GPC5: variants seen among roughly 807,000 people sequenced by gnomAD.
The protein encoded by GPC5 is glypican-5.
In GPC5, 47 loss-of-function variants were observed where a neutral mutation model predicts 53.9. The observed-to-expected ratio is 0.87, with a 90% CI of 0.69 to 1.11. The LOEUF is 1.11. Ranked by LOEUF, GPC5 falls within the 50% of genes most tolerant of loss-of-function variation. The pLI, the probability that GPC5 is intolerant of heterozygous loss-of-function variation, is 0.00. For missense variants in GPC5, 748 were observed against 713.1 expected (o/e 1.05, Z -0.56); for synonymous variants, 286 against 263.3 (o/e 1.09, Z -0.84).
chr13:91,600,338 AGAGAGAGAGAGT>A (rs1241401750), intron 2 of GPC5, among the ~76,000 whole-genome samples: 2,270 of 42,472 alleles, frequency 0.053, 10 homozygotes, highest in Non-Finnish European at 0.081. Flanking sequence ...AGAGAGAGAG[AGAGAGAGAGAGT>A]GTGTGTGTGT....
intron 5 of GPC5, among the ~76,000 whole-genome samples, chr13:91,899,839 A>G (rs2039479824): frequency 6.6e-6 from 1 of 152,152 alleles, no homozygotes; most frequent in Admixed American, 6.6e-5. Context: ...CAGAGGGAGT[A>G]TGGCCCTGCC....
chr13:92,263,220 CAA>C (rs1373252266), intron 7 of GPC5, among the ~76,000 whole-genome samples: 2 of 151,944 alleles, frequency 1.3e-5, no homozygotes, highest in Admixed American at 6.6e-5. Context: ...GAAAAGGAAA[CAA>C]ATTTATCATG....
At chr13:92,104,076 A>G (rs992622047) in intron 6 of GPC5, among the ~76,000 whole-genome samples, 3 of 152,192 alleles carry the variant, frequency 2.0e-5, no homozygotes, top group African/African-American at 7.2e-5. Flanking sequence ...TGAGAGAGCT[A>G]TAAATCAGGT....
At chr13:92,845,458 T>C (rs1878582142) in intron 7 of GPC5, among the ~76,000 whole-genome samples, 1 of 152,146 alleles carries the variant, frequency 6.6e-6, no homozygotes, top group Non-Finnish European at 1.5e-5. Flanking sequence ...AAAAAAGTGA[T>C]GTCTCAGTTT....
At chr13:91,784,657 G>A (rs2037849918) in intron 5 of GPC5, among the ~76,000 whole-genome samples, 1 of 151,208 alleles carries the variant, frequency 6.6e-6, no homozygotes, top group South Asian at 2.1e-4. Context: ...CTGGGAAGTG[G>A]AGGTTGCCGT....
At chr13:92,589,871 C>G (rs1883661179) in intron 7 of GPC5, among the ~76,000 whole-genome samples, 1 of 152,172 alleles carries the variant, frequency 6.6e-6, no homozygotes, top group African/African-American at 2.4e-5. Context: ...ATGATAATCA[C>G]TGGTATTACA....
At chr13:91,667,546 G>A (rs2035145599) in intron 2 of GPC5, among the ~76,000 whole-genome samples, 1 of 152,188 alleles carries the variant, frequency 6.6e-6, no homozygotes, top group South Asian at 2.1e-4. Flanking sequence ...AAACTCCAGA[G>A]GGGTGGGAAG....
chr13:92,286,169 A>T (rs1291740008), intron 7 of GPC5, among the ~76,000 whole-genome samples: 1 of 152,334 alleles, frequency 6.6e-6, no homozygotes, highest in East Asian at 1.9e-4. Context: ...AGAAATGCAA[A>T]TCAAAACCAC....
intron 6 of GPC5, among the ~76,000 whole-genome samples, chr13:92,143,451 G>A (rs1257070058): frequency 1.3e-5 from 2 of 151,912 alleles, no homozygotes; most frequent in East Asian, 1.9e-4. Context: ...CCTTTACAGG[G>A]AGTAGTATAC....
intron 7 of GPC5, among the ~76,000 whole-genome samples, chr13:92,372,983 T>C (rs1408033930): frequency 6.6e-6 from 1 of 152,220 alleles, no homozygotes; most frequent in Admixed American, 6.5e-5. Context: ...TTATATCACT[T>C]TGGGATTATT....
At chr13:92,296,497 A>G (rs943575730) in intron 7 of GPC5, among the ~76,000 whole-genome samples, 8 of 152,162 alleles carry the variant, frequency 5.3e-5, no homozygotes, top group Non-Finnish European at 1.2e-4. Flanking sequence ...AGGTAACAGC[A>G]TGCTGGCAGC....
chr13:91,575,838 CT>C (rs2032112168), intron 2 of GPC5, among the ~76,000 whole-genome samples: 1 of 152,056 alleles, frequency 6.6e-6, no homozygotes. Flanking sequence ...ATTTAAAAAA[CT>C]TTTTATACTA....
chr13:92,628,034 A>T (rs1333318533), intron 7 of GPC5, among the ~76,000 whole-genome samples: 1 of 152,030 alleles, frequency 6.6e-6, no homozygotes, highest in East Asian at 1.9e-4. Flanking sequence ...TGTATTTTAA[A>T]CCATAAGCAG....
chr13:92,795,242 C>T (rs530889322), intron 7 of GPC5, among the ~76,000 whole-genome samples: 7 of 152,244 alleles, frequency 4.6e-5, no homozygotes, highest in Admixed American at 6.5e-5. Context: ...ACATCTACAA[C>T]CATCTGGTCT....
At chr13:91,485,550 C>T (rs545831040) in intron 2 of GPC5, among the ~76,000 whole-genome samples, 20 of 152,234 alleles carry the variant, frequency 1.3e-4, no homozygotes, top group Non-Finnish European at 2.6e-4. Flanking sequence ...TCTTTTTAAA[C>T]ACTTTGTTTT....
At chr13:92,070,155 T>A (rs1387833560) in intron 6 of GPC5, among the ~76,000 whole-genome samples, 6 of 151,982 alleles carry the variant, frequency 3.9e-5, no homozygotes, top group African/African-American at 1.2e-4. Flanking sequence ...ACAGAGACAG[T>A]CTCTAGGAGC....
At chr13:92,770,090 CCTTTT>C (rs140169064) in intron 7 of GPC5, among the ~76,000 whole-genome samples, 7,962 of 152,198 alleles carry the variant, frequency 0.052, 247 homozygotes, top group Non-Finnish European at 0.071. Flanking sequence ...TTATTCCTTT[CCTTTT>C]CCTTACCCCA....
chr13:92,128,051 T>C (rs2041713792), intron 6 of GPC5, among the ~76,000 whole-genome samples: 1 of 152,184 alleles, frequency 6.6e-6, no homozygotes. Context: ...GTTTCTGAGA[T>C]CAATCTTCCT....
chr13:91,551,658 T>C (rs1005265365), intron 2 of GPC5, among the ~76,000 whole-genome samples: 6 of 152,252 alleles, frequency 3.9e-5, no homozygotes, highest in Admixed American at 3.9e-4. Flanking sequence ...ATTCTAGATT[T>C]ATATACTGCG....
Sources: gnomAD v4.1 joint callset for allele counts (sites outside exome capture counted in the v4.1 genomes callset) on GRCh38, gnomAD v4.1.1 for gene constraint, MANE v1.5 for transcripts, NCBI Gene and HGNC (gene_info 2026-07-23, HGNC 2026-07-21) for gene names.